TTC6: variants seen among roughly 807,000 people sequenced by gnomAD.
TTC6 encodes tetratricopeptide repeat protein 6.
In TTC6, 172 loss-of-function variants were observed where a neutral mutation model predicts 210.4. The ratio of observed to expected loss-of-function variants is 0.82; its 90% CI spans 0.72 to 0.93. TTC6 has a LOEUF of 0.93. Among genes scored for constraint, TTC6 ranks in the 40% least tolerant of loss-of-function variants. The pLI is 0.00. For synonymous variants in TTC6, 804 were observed against 819.6 expected (o/e 0.98, Z 0.32); for missense variants, 2,414 against 2,318.1 (o/e 1.04, Z -0.85).
At chr14:37,816,944 C>T (rs190246055) in intron 25 of TTC6, among the ~76,000 whole-genome samples, 2 of 152,240 alleles carry the variant, frequency 1.3e-5, no homozygotes, top group East Asian at 3.9e-4. Context: ...TTGAAACAGC[C>T]TCTTCCTAGG....
intron 1 of TTC6, among the ~76,000 whole-genome samples, chr14:37,639,741 C>T (rs71407703): frequency 0.054 from 8,060 of 148,104 alleles, 340 homozygotes; most frequent in Non-Finnish European, 0.086. Flanking sequence ...AAAAAATTAG[C>T]CAGGTGTGGT....
chr14:37,818,428 A>T (rs1373053237), intron 26 of TTC6, among the ~76,000 whole-genome samples: 1 of 152,184 alleles, frequency 6.6e-6, no homozygotes, highest in Non-Finnish European at 1.5e-5. Flanking sequence ...TTTGTGATGA[A>T]ATGTATTTGG....
rs937152632 is a variant in TTC6 at position 37,598,085 on chromosome 14, C to T, written c.-235+2077C>T. On this transcript the variant is annotated intron_variant, in intron 1 of 2. Coordinates refer to the TTC6 transcript ENST00000556845. The surrounding 1 kb of genome is among the most constrained non-coding windows in gnomAD (Gnocchi z 4.9). ...AATGCTGCTGTCTGGGAGTTGCTGG[C>T]CAGTCGGTAGCCAGGTCCAGCGGCT... 1.3e-5 allele frequency among the ~76,000 whole-genome samples: 2 copies of T among 152,306 alleles called. No homozygotes were observed. Among genetic ancestry groups the T allele is most frequent in the Middle Eastern group, 3.4e-3 (1 of 294 alleles).
At chr14:37,665,071 A>G (rs2095745157) in intron 1 of TTC6, among the ~76,000 whole-genome samples, 1 of 150,670 alleles carries the variant, frequency 6.6e-6, no homozygotes, top group African/African-American at 2.4e-5. Flanking sequence ...TAGTTCAACC[A>G]TTGTGGAAGA....
At chr14:37,790,685 T>A (rs1301693592) in intron 15 of TTC6, 32 bp from the exon 18 acceptor site, 7 of 1,508,778 alleles carry the variant, frequency 4.6e-6, no homozygotes, top group Non-Finnish European at 6.2e-6. Flanking sequence ...TTTTAGAACC[T>A]GAATGAAATA....
chr14:37,765,224 G>T (rs2095995293), intron 14 of TTC6, among the ~76,000 whole-genome samples: 1 of 151,686 alleles, frequency 6.6e-6, no homozygotes, highest in African/African-American at 2.4e-5. Flanking sequence ...ATATAGTGGT[G>T]CAATCACAGC....
intron 2 of TTC6, among the ~76,000 whole-genome samples, chr14:37,607,249 A>G (rs1272371121): frequency 6.6e-6 from 1 of 152,212 alleles, no homozygotes; most frequent in Admixed American, 6.5e-5. Flanking sequence ...AGCAGACACT[A>G]AACTAGGTCC....
chr14:37,779,628 A>G (rs945751145), intron 14 of TTC6, among the ~76,000 whole-genome samples: 3 of 152,216 alleles, frequency 2.0e-5, no homozygotes, highest in Non-Finnish European at 2.9e-5. Context: ...AGTTTGGAAT[A>G]ACTTGCCTCT....
At chr14:37,659,006 A>G (rs901341046) in intron 1 of TTC6, among the ~76,000 whole-genome samples, 1 of 152,092 alleles carries the variant, frequency 6.6e-6, no homozygotes, top group African/African-American at 2.4e-5. Flanking sequence ...TTTAGCTCCA[A>G]CTTACAAGTG....
At chr14:37,841,798 A>T (rs1423092435) in intron 30 of TTC6, 128 bp downstream of exon 32, 1 of 798,564 alleles carries the variant, frequency 1.3e-6, no homozygotes, top group Non-Finnish European at 2.0e-6. Context: ...GTTTTTAGAT[A>T]TCATGTCCTT....
intron 1 of TTC6, among the ~76,000 whole-genome samples, chr14:37,629,985 G>C (rs2095666611): frequency 6.6e-6 from 1 of 152,116 alleles, no homozygotes; most frequent in African/African-American, 2.4e-5. Flanking sequence ...TAAGCTCTTT[G>C]ATGTGCTGCT....
chr14:37,652,498 T>G (rs1016727779), intron 1 of TTC6, among the ~76,000 whole-genome samples: 3 of 152,200 alleles, frequency 2.0e-5, no homozygotes, highest in African/African-American at 7.2e-5. Context: ...ATTATTTTAG[T>G]GCTTTATTTT....
intron 1 of TTC6, among the ~76,000 whole-genome samples, chr14:37,670,073 T>A (rs1267555864): frequency 1.3e-5 from 2 of 152,194 alleles, no homozygotes; most frequent in Non-Finnish European, 1.5e-5. Context: ...TCATCTTAAT[T>A]AGGGAAGGTA....
At chr14:37,682,446 CT>C (rs2095786002) in intron 2 of TTC6, among the ~76,000 whole-genome samples, 1 of 81,460 alleles carries the variant, frequency 1.2e-5, no homozygotes, top group Admixed American at 1.2e-4. Flanking sequence ...CTTGGTCTAG[CT>C]ATACCTTCTT....
chr14:37,640,160 A>G (rs1170850217), intron 1 of TTC6, among the ~76,000 whole-genome samples: 4 of 151,738 alleles, frequency 2.6e-5, no homozygotes, highest in African/African-American at 7.3e-5. Context: ...TAGAATATAG[A>G]GTTACTTGAA....
chr14:37,679,941 C>T (rs546911421), intron 1 of TTC6, among the ~76,000 whole-genome samples: 9 of 152,102 alleles, frequency 5.9e-5, no homozygotes, highest in East Asian at 1.9e-4. Flanking sequence ...CCACCCATCT[C>T]GGCCTCCCAA....
intron 5 of TTC6, among the ~76,000 whole-genome samples, chr14:37,710,355 A>AT (rs2095842701): frequency 6.6e-6 from 1 of 152,082 alleles, no homozygotes; most frequent in Non-Finnish European, 1.5e-5. Context: ...GTGTGCAGAG[A>AT]TTTTTTCAGA....
At chr14:37,690,764 A>G (rs190911209) in intron 3 of TTC6, among the ~76,000 whole-genome samples, 19 of 151,974 alleles carry the variant, frequency 1.3e-4, no homozygotes, top group South Asian at 2.1e-4. Context: ...GGAGACTCCA[A>G]TACAATAGCT....
At chr14:37,630,577 C>T (rs747411674) in intron 1 of TTC6, among the ~76,000 whole-genome samples, 2 of 152,062 alleles carry the variant, frequency 1.3e-5, no homozygotes, top group Non-Finnish European at 2.9e-5. Context: ...GTGGAGAGTT[C>T]TGTAGATGTC....
Sources: allele counts gnomAD v4.1 joint callset (sites outside exome capture counted in the v4.1 genomes callset), GRCh38; gene constraint gnomAD v4.1.1; non-coding constraint Gnocchi (gnomAD v3.1); transcripts MANE v1.5; gene names NCBI Gene and HGNC (gene_info 2026-07-23, HGNC 2026-07-21).